The following GRM5 variants were observed in gnomAD, a reference collection of about 807,000 sequenced individuals.
GRM5 encodes the protein metabotropic glutamate receptor 5.
GRM5 carries 19 observed loss-of-function variants against 83.1 expected under a neutral mutation model. The observed-to-expected ratio is 0.23, with a 90% CI of 0.16 to 0.34. The LOEUF (loss-of-function observed/expected upper bound fraction) is 0.34, where lower values mean the gene tolerates loss of function less well. Among genes scored for constraint, GRM5 ranks in the 10% least tolerant of loss-of-function variants. The pLI, the probability that GRM5 is intolerant of heterozygous loss-of-function variation, is 1.00. For synonymous variants in GRM5, 675 were observed against 633.6 expected (o/e 1.07, Z -0.98); for missense variants, 1,160 against 1,588.3 (o/e 0.73, Z 4.58).
chr11:88,514,443 A>G (rs1296989106), intron 9 of GRM5, among the ~76,000 whole-genome samples: 2 of 152,110 alleles, frequency 1.3e-5, no homozygotes, highest in African/African-American at 2.4e-5. Flanking sequence ...ATGTCATGTC[A>G]ATGACCTCAC....
Position 88,578,849 on chromosome 11 carries a change from C to T in GRM5, c.1691-10857G>A, listed in dbSNP as rs116432250. 7.4e-3 allele frequency among the ~76,000 whole-genome samples: 1,114 copies of T among 151,478 alleles called. 11 individuals are homozygous for T. Among genetic ancestry groups the T allele is most frequent in the African/African-American group, 0.026 (1,076 of 41,404 alleles). On this transcript the variant is annotated intron_variant, in intron 7 of 9. Coordinates refer to ENST00000305447, the MANE Select transcript of GRM5 (RefSeq NM_001143831.3). ...AACTGAAACAACTTTATCAAGCTAA[C>T]TGTTTGAAAAAAAAAAGACAGTGCA...
chr11:88,758,446 A>C (rs1942441980), intron 3 of GRM5, among the ~76,000 whole-genome samples: 1 of 152,234 alleles, frequency 6.6e-6, no homozygotes, highest in Non-Finnish European at 1.5e-5. Context: ...AATTGCAAGT[A>C]CTATCAAGTA....
At chr11:88,925,596 G>C (rs1335804330) in intron 2 of GRM5, among the ~76,000 whole-genome samples, 8 of 152,092 alleles carry the variant, frequency 5.3e-5, no homozygotes, top group Admixed American at 6.6e-5. Context: ...AAATCAAAAA[G>C]CACCTCAAGA....
chr11:88,595,060 A>G (rs1476167116), intron 6 of GRM5, among the ~76,000 whole-genome samples: 1 of 152,076 alleles, frequency 6.6e-6, no homozygotes, highest in African/African-American at 2.4e-5. Context: ...ATGTCCTCAA[A>G]TTACCAAATT....
intron 2 of GRM5, among the ~76,000 whole-genome samples, chr11:89,005,718 A>G (rs773685211): frequency 6.6e-6 from 1 of 152,176 alleles, no homozygotes; most frequent in Non-Finnish European, 1.5e-5. Context: ...ATTACCAGTA[A>G]TGTAACGGTG....
intron 2 of GRM5, among the ~76,000 whole-genome samples, chr11:88,954,882 T>C (rs1412050979): frequency 2.0e-5 from 3 of 152,182 alleles, no homozygotes; most frequent in African/African-American, 7.2e-5. Flanking sequence ...TGGGTGAATG[T>C]AGAAAGGCTT....
intron 2 of GRM5, among the ~76,000 whole-genome samples, chr11:88,908,150 A>G (rs769238620): frequency 3.9e-5 from 6 of 152,150 alleles, no homozygotes; most frequent in Non-Finnish European, 8.8e-5. Flanking sequence ...ATTCCATACA[A>G]ACATCATGTT....
At chr11:89,009,607 C>T (rs1163279957) in intron 2 of GRM5, among the ~76,000 whole-genome samples, 2 of 148,346 alleles carry the variant, frequency 1.3e-5, no homozygotes, top group East Asian at 3.9e-4. Flanking sequence ...AATAAAAACA[C>T]AAAATCAGGC....
intron 3 of GRM5, among the ~76,000 whole-genome samples, chr11:88,729,797 T>C (rs932708077): frequency 6.6e-6 from 1 of 152,182 alleles, no homozygotes; most frequent in African/African-American, 2.4e-5. Flanking sequence ...TCCTATTTAA[T>C]AAATGGTGTT....
Position 88,509,371 on chromosome 11 carries a change from T to TG in GRM5, c.2859dup (p.Lys954GlnfsTer49), listed in dbSNP as rs767812061. 6.2e-7 allele frequency: 1 copy of TG among 1,611,866 alleles called. No individual in the cohort carries two copies. The highest frequency in any genetic ancestry group is 8.5e-7 in the Non-Finnish European group (1 of 1,179,592). On this transcript the variant is annotated frameshift_variant, in exon 10 of 10. Coordinates refer to ENST00000305447, the MANE Select transcript of GRM5 (RefSeq NM_001143831.3). LOFTEE classifies it low-confidence loss of function (END_TRUNC). ...CCCAGGCCACGGCTCTCCGTGCTCT[T>TG]GGGGAAGGGCTTGATGACGGCCGTT...
intron 2 of GRM5, among the ~76,000 whole-genome samples, chr11:89,037,306 T>C (rs1941413759): frequency 6.6e-6 from 1 of 152,130 alleles, no homozygotes; most frequent in Non-Finnish European, 1.5e-5. Context: ...AGCCTGTCTT[T>C]ATCATTGATA....
chr11:88,893,907 T>C (rs571562804), intron 2 of GRM5, among the ~76,000 whole-genome samples: 1 of 152,124 alleles, frequency 6.6e-6, no homozygotes, highest in South Asian at 2.1e-4. Flanking sequence ...CTTAGGCAGA[T>C]AGCAAGGGTG....
At chr11:88,836,022 G>T (rs1448081508) in intron 3 of GRM5, among the ~76,000 whole-genome samples, 1 of 151,990 alleles carries the variant, frequency 6.6e-6, no homozygotes, top group Non-Finnish European at 1.5e-5. Flanking sequence ...CCCATCAGAA[G>T]CCCTTAAACC....
intron 4 of GRM5, among the ~76,000 whole-genome samples, chr11:88,611,036 T>G (rs1002828282): frequency 6.6e-6 from 1 of 152,214 alleles, no homozygotes; most frequent in Admixed American, 6.5e-5. Context: ...TTGCGTATGT[T>G]AAACCAACCA....
At chr11:88,830,555 C>A (rs886102030) in intron 3 of GRM5, among the ~76,000 whole-genome samples, 2 of 152,134 alleles carry the variant, frequency 1.3e-5, no homozygotes, top group Non-Finnish European at 2.9e-5. Flanking sequence ...CTGCCAGGAG[C>A]CAGGAGAGAC....
chr11:88,798,797 GAAAACACCAAAAAAAAAAAAAAAAAA>G (rs1156539406), intron 3 of GRM5, among the ~76,000 whole-genome samples: 1 of 15,868 alleles, frequency 6.3e-5, no homozygotes, highest in Admixed American at 7.5e-4. Context: ...GCTACCTAAT[GAAAACACCAAAAAAAAAAAAAAAAAA>G]AAAACAACAA....
chr11:88,841,941 T>C (rs1944210721), intron 3 of GRM5, among the ~76,000 whole-genome samples: 1 of 152,208 alleles, frequency 6.6e-6, no homozygotes, highest in African/African-American at 2.4e-5. Context: ...CAGATACTCA[T>C]AATACTTGAG....
Position 88,538,983 on chromosome 11 carries a change from AT to A in GRM5, c.2631-13580del, listed in dbSNP as rs567497832. Among the ~76,000 whole-genome samples the A allele has an allele frequency of 9.2e-5, 14 of 152,128 alleles. No individual in the cohort carries two copies. The South Asian group carries it at 2.1e-3, about 23-fold the overall frequency. ...ACTGTACTATTTTTCAAACCTTATCATTTTTTTTCCCCATAATCTCCTTGGC... is the reference window on the plus strand; with the variant it reads ...ACTGTACTATTTTTCAAACCTTATCATTTTTTTCCCCATAATCTCCTTGGC... On this transcript the variant is annotated intron_variant, in intron 8 of 9. Transcript: ENST00000305447.
chr11:88,913,223 G>T (rs2135613915), intron 2 of GRM5, among the ~76,000 whole-genome samples: 1 of 152,246 alleles, frequency 6.6e-6, no homozygotes, highest in African/African-American at 2.4e-5. Flanking sequence ...GGTGTGGTCT[G>T]ATCAGTGAGA....
Sources: allele counts gnomAD v4.1 joint callset (sites outside exome capture counted in the v4.1 genomes callset), GRCh38; gene constraint gnomAD v4.1.1; transcripts MANE v1.5; gene names NCBI Gene and HGNC (gene_info 2026-07-23, HGNC 2026-07-21).